The following PCDHA7 variants were observed in gnomAD, a reference collection of about 807,000 sequenced individuals.
The protein encoded by PCDHA7 is protocadherin alpha-7.
PCDHA7 carries 37 observed loss-of-function variants against 57.2 expected under a neutral mutation model. That is an observed-to-expected ratio of 0.65 (90% CI 0.50 to 0.85). The LOEUF (loss-of-function observed/expected upper bound fraction) is 0.85. Ranked by LOEUF, PCDHA7 falls within the 40% of genes least tolerant of loss-of-function variation. The probability of loss-of-function intolerance (pLI) is 0.00; values close to 1 mark genes in which losing one functional copy is unlikely to be tolerated. For missense variants in PCDHA7, 1,188 were observed against 1,241.8 expected, an observed-to-expected ratio of 0.96 and a Z score of 0.65; for synonymous variants, 553 against 558.8, an observed-to-expected ratio of 0.99 and a Z score of 0.15.
Position 140,836,267 on chromosome 5 carries a change from T to C in PCDHA7, c.1884T>C (p.Thr628=). The C allele has an allele frequency of 6.2e-7, 1 of 1,613,696 alleles. No individual in the cohort carries two copies. Among genetic ancestry groups the C allele is most frequent in the Non-Finnish European group, 8.5e-7 (1 of 1,179,796 alleles). Residue 628 remains threonine, a synonymous_variant, in exon 1 of 4, where the codon ACT becomes ACC. Transcript: ENST00000525929. ...ASIPFRVGLY[T]GEISTTRALD... ...TCCCGTTCCGCGTGGGGCTGTACAC[T>C]GGTGAGATCAGCACGACACGAGCCC... is the stretch of plus-strand genomic sequence containing the variant.
chr5:140,879,783 G>A (rs182330190), intron 1 of PCDHA7, among the ~76,000 whole-genome samples: 1 of 152,162 alleles, frequency 6.6e-6, no homozygotes, highest in African/African-American at 2.4e-5. Flanking sequence ...GAAGAATCTG[G>A]TTTTTGTTTC....
intron 1 of PCDHA7, chr5:140,849,763 T>C (rs1554143274): frequency 1.3e-6 from 2 of 1,598,470 alleles, no homozygotes; most frequent in Non-Finnish European, 1.7e-6. Context: ...GCCTACGAGC[T>C]GGTGGTTACC....
chr5:140,952,006 T>C (rs2094672029), intron 1 of PCDHA7, among the ~76,000 whole-genome samples: 1 of 152,184 alleles, frequency 6.6e-6, no homozygotes, highest in African/African-American at 2.4e-5. Context: ...GAAAGAATTA[T>C]AGGCCCCATG....
chr5:140,929,499 C>G, intron 1 of PCDHA7: 1 of 980,264 alleles, frequency 1.0e-6, no homozygotes, highest in South Asian at 3.1e-5. Flanking sequence ...GAAGATTGCC[C>G]TAGGCCTCAA....
At chr5:140,926,973 G>A in intron 1 of PCDHA7, 3 of 1,609,762 alleles carry the variant, frequency 1.9e-6, no homozygotes, top group African/African-American at 1.3e-5. Context: ...ACTCAGTGCC[G>A]GAGGAGACGG....
intron 1 of PCDHA7, among the ~76,000 whole-genome samples, chr5:140,911,106 G>T (rs192768876): frequency 6.6e-6 from 1 of 152,214 alleles, no homozygotes; most frequent in Non-Finnish European, 1.5e-5. Flanking sequence ...TGCCTCAGGG[G>T]AAGCCATCAC....
intron 1 of PCDHA7, among the ~76,000 whole-genome samples, chr5:140,941,185 C>CTT (rs782102770): frequency 2.0e-5 from 2 of 102,242 alleles, no homozygotes; most frequent in East Asian, 7.3e-4. Context: ...CATCCTGCTT[C>CTT]TTTTTTTTTC....
At chr5:140,863,660 A>G (rs1439004370) in intron 1 of PCDHA7, 2 of 293,826 alleles carry the variant, frequency 6.8e-6, no homozygotes, top group Non-Finnish European at 1.3e-5. Flanking sequence ...TGATTGCTTT[A>G]TTTATTTTGC....
intron 3 of PCDHA7, among the ~76,000 whole-genome samples, chr5:141,000,713 C>G (rs570396356): frequency 6.6e-6 from 1 of 151,652 alleles, no homozygotes; most frequent in Non-Finnish European, 1.5e-5. Context: ...CAGGCATGAG[C>G]CACTGTGCCT....
At chr5:140,850,158 G>T (rs1189332521) in intron 1 of PCDHA7, 3 of 1,595,230 alleles carry the variant, frequency 1.9e-6, no homozygotes, top group African/African-American at 2.7e-5. Flanking sequence ...GCAGGTGTTC[G>T]TGCTGGACGA....
At chr5:140,975,795 CT>C (rs1219508800) in intron 1 of PCDHA7, among the ~76,000 whole-genome samples, 2 of 151,168 alleles carry the variant, frequency 1.3e-5, no homozygotes, top group Non-Finnish European at 1.5e-5. Flanking sequence ...TAAATTAAAT[CT>C]TTTTTATAAT....
chr5:140,836,758 G>C lies in PCDHA7; in HGVS notation c.2355+20G>C. 6.4e-7 allele frequency: 1 copy of C among 1,572,510 alleles called. No homozygotes were observed. The highest frequency in any genetic ancestry group is 1.2e-5 in the South Asian group (1 of 84,030). ...GACAATGTGAGTCATAAATAATCTT[G>C]TTTCCAACAATTTTAAAACAATTAG... On this transcript the variant is annotated intron_variant, in intron 1 of 3. Transcript: ENST00000525929.
chr5:140,852,573 G>A, intron 1 of PCDHA7: 2 of 794,360 alleles, frequency 2.5e-6, no homozygotes, highest in Non-Finnish European at 3.1e-6. Flanking sequence ...ACTGTGCCAA[G>A]GCTTTTTTAT....
rs1193059751 is a variant in PCDHA7 at position 140,857,644 on chromosome 5, C to G, written c.2355+20906C>G. ...ACGAGGAGCTGGAGCTGCTACAGTT[C>G]CAGGTGAGCGCGCGCGATGGGGGCG... On this transcript the variant is annotated intron_variant, in intron 1 of 3. Coordinates refer to ENST00000525929, the MANE Select transcript of PCDHA7 (RefSeq NM_018910.3). 9 of 1,596,322 alleles carry G rather than the reference C, an allele frequency of 5.6e-6. 1 individual carries two copies. Among genetic ancestry groups the G allele is most frequent in the Non-Finnish European group, 7.7e-6 (9 of 1,167,662 alleles).
intron 1 of PCDHA7, chr5:140,877,774 G>T (rs782686661): frequency 1.2e-6 from 2 of 1,614,176 alleles, no homozygotes; most frequent in South Asian, 2.2e-5. Context: ...GCCCAAGACG[G>T]ACCTCATGGC....
Position 141,010,339 on chromosome 5 carries a change from A to G in PCDHA7, c.*402A>G. 2 of 1,534,058 alleles carry G rather than the reference A, an allele frequency of 1.3e-6. No homozygotes were observed. Among genetic ancestry groups the G allele is most frequent in the East Asian group, 4.9e-5 (2 of 40,762 alleles). On this transcript the variant is annotated 3_prime_UTR_variant, in exon 4 of 4. Transcript: ENST00000525929. ...TTGAGCAGCTTGGGAGTTTGTGGCC[A>G]CTGGGTATGTGTGGCTACCGCGGGT...
chr5:140,871,487 C>A, intron 1 of PCDHA7: 1 of 1,591,808 alleles, frequency 6.3e-7, no homozygotes, highest in South Asian at 1.1e-5. Flanking sequence ...TCAAATCACC[C>A]CGGACAGGTG....
At chr5:140,979,826 G>A (rs1338756237) in intron 2 of PCDHA7, among the ~76,000 whole-genome samples, 1 of 152,184 alleles carries the variant, frequency 6.6e-6, no homozygotes, top group East Asian at 1.9e-4. Context: ...TAATTTTAAA[G>A]AAGAAATAAT....
chr5:140,843,007 G>A, intron 1 of PCDHA7: 1 of 1,594,980 alleles, frequency 6.3e-7, no homozygotes, highest in Non-Finnish European at 8.6e-7. Context: ...ATGACAACGC[G>A]CCGGCACTGC....
Sources: gnomAD v4.1 joint callset for allele counts (sites outside exome capture counted in the v4.1 genomes callset) on GRCh38, gnomAD v4.1.1 for gene constraint, MANE v1.5 for transcripts, NCBI Gene and HGNC (gene_info 2026-07-23, HGNC 2026-07-21) for gene names.